The following LRRC37A2 variants were observed in gnomAD, a reference collection of about 807,000 sequenced individuals.
LRRC37A2 encodes leucine rich repeat containing 37 member A2, also known as leucine-rich repeat-containing protein 37A2.
LRRC37A2 carries 9 observed loss-of-function variants against 68.8 expected under a neutral mutation model. The observed-to-expected ratio is 0.13, with a 90% confidence interval of 0.08 to 0.23. LRRC37A2 has a LOEUF of 0.23. Among genes scored for constraint, LRRC37A2 ranks in the 10% least tolerant of loss-of-function variants. The probability of loss-of-function intolerance (pLI) is 1.00; values close to 1 mark genes in which losing one functional copy is unlikely to be tolerated. For missense variants in LRRC37A2, 168 were observed against 950.4 expected, an observed-to-expected ratio of 0.18 and a Z score of 10.82; for synonymous variants, 63 against 367.6, an observed-to-expected ratio of 0.17 and a Z score of 9.48.
chr17:46,549,154 G>A (rs368697639), exon 10 of LRRC37A2: 86 of 1,611,288 alleles, frequency 5.3e-5, no homozygotes, highest in South Asian at 4.4e-5. Context: ...ACTGATGCTC[G>A]CAAACAGGCT....
the LRRC37A2 span, among the ~76,000 whole-genome samples, chr17:46,873,399 G>A: frequency 7.8e-4 from 119 of 152,196 alleles, no homozygotes; most frequent in Middle Eastern, 6.8e-3. Context: ...GCTACCCTCG[G>A]GAAGCATGCA....
chr17:46,818,392 G>T, the LRRC37A2 span: 6 of 883,130 alleles, frequency 6.8e-6, no homozygotes, highest in East Asian at 2.7e-5. Flanking sequence ...GTGGGCGGGT[G>T]GGGGGCTGGA....
chr17:46,755,920 G>A, the LRRC37A2 span: 1 of 1,232,130 alleles, frequency 8.1e-7, no homozygotes, highest in Non-Finnish European at 1.2e-6. Flanking sequence ...TGGACTAAGT[G>A]GAACGTTCTC....
the LRRC37A2 span, chr17:46,721,602 A>G: frequency 1.3e-6 from 2 of 1,570,790 alleles, no homozygotes; most frequent in Admixed American, 3.3e-5. Context: ...AACTCTGGGA[A>G]TTCAAAATTA....
the LRRC37A2 span, chr17:46,923,167 G>A: frequency 1.4e-6 from 2 of 1,478,622 alleles, no homozygotes; most frequent in South Asian, 1.2e-5. Context: ...GCCAGAGCCG[G>A]AGCCGTGGCC....
chr17:46,947,464 C>G, the LRRC37A2 span, among the ~76,000 whole-genome samples: 152 of 152,292 alleles, frequency 1.0e-3, no homozygotes, highest in African/African-American at 3.6e-3. Context: ...GTTCATGCTG[C>G]TGAGATACTG....
the LRRC37A2 span, among the ~76,000 whole-genome samples, chr17:47,000,044 A>AAAAT: frequency 3.3e-5 from 1 of 30,264 alleles, no homozygotes; most frequent in African/African-American, 6.3e-5. Flanking sequence ...AAAATAAAAT[A>AAAAT]AAATAAAATA....
At chr17:47,003,243 CAA>C in the LRRC37A2 span, among the ~76,000 whole-genome samples, 30,575 of 70,796 alleles carry the variant, frequency 0.43, 3,401 homozygotes, top group East Asian at 0.61. Flanking sequence ...AATAGAGACT[CAA>C]AAAAAAAAAA....
the LRRC37A2 span, among the ~76,000 whole-genome samples, chr17:46,900,168 C>CATATAT: frequency 4.9e-3 from 315 of 63,968 alleles, 2 homozygotes; most frequent in South Asian, 7.8e-3. Context: ...TATACATATA[C>CATATAT]ATATATATAT....
At chr17:46,980,666 C>CAAAAAAAAAAAAAAAAAAAAAAA in the LRRC37A2 span, among the ~76,000 whole-genome samples, 28 of 83,884 alleles carry the variant, frequency 3.3e-4, 1 homozygote, top group South Asian at 1.6e-3. Context: ...ACTAAAAATA[C>CAAAAAAAAAAAAAAAAAAAAAAA]AAAAAAAAAA....
the LRRC37A2 span, among the ~76,000 whole-genome samples, chr17:46,879,924 C>T: frequency 6.6e-6 from 1 of 152,240 alleles, no homozygotes; most frequent in Admixed American, 6.5e-5. Flanking sequence ...CCAAGGGGTC[C>T]TTCTGCCCAC....
chr17:46,768,341 G>A, the LRRC37A2 span: 5 of 1,613,690 alleles, frequency 3.1e-6, no homozygotes, highest in East Asian at 2.2e-5. This position sits in a 1 kb window ranked among gnomAD's most constrained non-coding sequence, Gnocchi z 5.0. Flanking sequence ...TGTGCACGTC[G>A]TAGATGCGAA....
At chr17:47,041,793 C>G in the LRRC37A2 span, 1 of 146,974 alleles carries the variant, frequency 6.8e-6, no homozygotes, top group African/African-American at 2.5e-5. Flanking sequence ...ACTGATGTCA[C>G]TTACAACATG....
the LRRC37A2 span, among the ~76,000 whole-genome samples, chr17:46,707,267 C>G: frequency 6.6e-6 from 1 of 152,198 alleles, no homozygotes; most frequent in Non-Finnish European, 1.5e-5. Context: ...TGACCATATG[C>G]ATGTATTGTG....
the LRRC37A2 span, among the ~76,000 whole-genome samples, chr17:46,791,751 A>ATC: frequency 6.6e-6 from 1 of 152,106 alleles, no homozygotes; most frequent in Admixed American, 6.5e-5. Context: ...AAAAGATAAA[A>ATC]TCTCTCTCTC....
chr17:46,862,287 G>A, the LRRC37A2 span, among the ~76,000 whole-genome samples: 9 of 152,130 alleles, frequency 5.9e-5, no homozygotes, highest in Admixed American at 2.0e-4. Flanking sequence ...GAAAGGTAAC[G>A]TATCGTATAT....
the LRRC37A2 span, chr17:46,875,209 C>T: frequency 6.2e-7 from 1 of 1,614,162 alleles, no homozygotes; most frequent in East Asian, 2.2e-5. Context: ...TGTGATGACT[C>T]TCCGGGGCTG....
chr17:46,920,073 G>T, the LRRC37A2 span, among the ~76,000 whole-genome samples: 1 of 152,152 alleles, frequency 6.6e-6, no homozygotes, highest in Non-Finnish European at 1.5e-5. Context: ...CCTTCTGTTT[G>T]CCTTTGCTCA....
chr17:46,857,630 G>A, the LRRC37A2 span, among the ~76,000 whole-genome samples: 4 of 152,242 alleles, frequency 2.6e-5, no homozygotes, highest in East Asian at 7.7e-4. Flanking sequence ...TGGATCAGAT[G>A]GTTGATATAT....
Sources: allele counts gnomAD v4.1 joint callset (sites outside exome capture counted in the v4.1 genomes callset), GRCh38; gene constraint gnomAD v4.1.1; non-coding constraint Gnocchi (gnomAD v3.1); transcripts MANE v1.5; gene names NCBI Gene and HGNC (gene_info 2026-07-23, HGNC 2026-07-21).